The following LRP1B variants were observed in gnomAD, a reference collection of about 807,000 sequenced individuals.
LRP1B encodes low-density lipoprotein receptor-related protein 1B.
Under a neutral mutation model 556.6 loss-of-function variants are expected in LRP1B, and 217 were observed. The observed-to-expected ratio is 0.39, with a 90% CI of 0.35 to 0.44. The LOEUF (loss-of-function observed/expected upper bound fraction) is 0.44, where lower values mean the gene tolerates loss of function less well. Among genes scored for constraint, LRP1B ranks in the 20% least tolerant of loss-of-function variants. The pLI is 1.00. For missense variants in LRP1B, 5,053 were observed against 5,620.8 expected, an observed-to-expected ratio of 0.90 and a Z score of 3.23; for synonymous variants, 2,047 against 1,865.8, an observed-to-expected ratio of 1.10 and a Z score of -2.50.
chr2:141,202,156 C>CTTTGCTATTGTGAATAGTTCTGCAATTA (rs1381562153), intron 6 of LRP1B, among the ~76,000 whole-genome samples: 1 of 152,094 alleles, frequency 6.6e-6, no homozygotes, highest in Non-Finnish European at 1.5e-5. Flanking sequence ...GCCCCCACCT[C>CTTTGCTATTGTGAATAGTTCTGCAATTA]ATGCGTCCAT....
chr2:140,442,460 G>T (rs764291492), intron 66 of LRP1B, 44 bp downstream of exon 66: 3 of 1,577,912 alleles, frequency 1.9e-6, no homozygotes, highest in South Asian at 2.3e-5. Context: ...CGCAGATGAT[G>T]ACTCAAATAC....
chr2:140,860,044 A>G (rs546690473), intron 27 of LRP1B, among the ~76,000 whole-genome samples: 6 of 152,284 alleles, frequency 3.9e-5, no homozygotes, highest in African/African-American at 1.2e-4. Context: ...TTCATTTTGC[A>G]AAGGCTAAAC....
chr2:140,278,934 C>G (rs1056712589), intron 84 of LRP1B, among the ~76,000 whole-genome samples: 1 of 151,928 alleles, frequency 6.6e-6, no homozygotes, highest in Non-Finnish European at 1.5e-5. Context: ...AATCTTCTAT[C>G]TCCAGTTATT....
intron 3 of LRP1B, among the ~76,000 whole-genome samples, chr2:141,331,134 G>A (rs1687628988): frequency 6.6e-6 from 1 of 152,104 alleles, no homozygotes; most frequent in African/African-American, 2.4e-5. Flanking sequence ...GAGGTGCATT[G>A]ATGGCTGGTT....
At chr2:141,411,004 A>T (rs2104942770) in intron 3 of LRP1B, among the ~76,000 whole-genome samples, 1 of 152,142 alleles carries the variant, frequency 6.6e-6, no homozygotes, top group South Asian at 2.1e-4. Flanking sequence ...AGAATATTTA[A>T]GTATTAACAA....
chr2:140,912,741 T>TA (rs942910848), intron 21 of LRP1B, among the ~76,000 whole-genome samples: 7 of 151,764 alleles, frequency 4.6e-5, no homozygotes, highest in African/African-American at 9.6e-5. Flanking sequence ...GCAAATTTTT[T>TA]AAAAAAAATC....
At chr2:142,044,397 A>G (rs1021201275) in intron 1 of LRP1B, among the ~76,000 whole-genome samples, 2 of 151,694 alleles carry the variant, frequency 1.3e-5, no homozygotes, top group Admixed American at 6.6e-5. Context: ...TTGGCAACCA[A>G]TCCACCGATA....
At chr2:140,934,958 C>T (rs927494389) in intron 20 of LRP1B, among the ~76,000 whole-genome samples, 48 of 152,236 alleles carry the variant, frequency 3.2e-4, no homozygotes, top group African/African-American at 9.6e-4. Flanking sequence ...GGGAAAGTCA[C>T]AGGCTAAGAA....
intron 11 of LRP1B, among the ~76,000 whole-genome samples, chr2:141,048,530 A>G (rs1698945215): frequency 6.6e-6 from 1 of 152,118 alleles, no homozygotes; most frequent in Non-Finnish European, 1.5e-5. Context: ...CATTTCAGTG[A>G]TGTGTAAAGT....
intron 47 of LRP1B, among the ~76,000 whole-genome samples, chr2:140,527,152 T>C (rs1444103814): frequency 6.6e-6 from 1 of 152,002 alleles, no homozygotes; most frequent in Non-Finnish European, 1.5e-5. Context: ...TTGTATAAAG[T>C]ATCTTATTTT....
intron 31 of LRP1B, among the ~76,000 whole-genome samples, chr2:140,831,980 C>T (rs919139437): frequency 6.6e-6 from 1 of 152,022 alleles, no homozygotes; most frequent in South Asian, 2.1e-4. Flanking sequence ...ATCACCTCAC[C>T]CCAGTTGGAA....
At chr2:141,687,289 A>G (rs1394833789) in intron 2 of LRP1B, among the ~76,000 whole-genome samples, 1 of 151,968 alleles carries the variant, frequency 6.6e-6, no homozygotes, top group African/African-American at 2.4e-5. Flanking sequence ...TAACATTAAT[A>G]GGTTATTTAC....
At chr2:140,730,404 A>G (rs1208700432) in intron 35 of LRP1B, among the ~76,000 whole-genome samples, 1 of 152,216 alleles carries the variant, frequency 6.6e-6, no homozygotes, top group African/African-American at 2.4e-5. Context: ...TGACTAAAAC[A>G]CTTTGATCAC....
chr2:141,226,123 C>CAA (rs150456088), intron 6 of LRP1B, among the ~76,000 whole-genome samples: 127 of 144,496 alleles, frequency 8.8e-4, no homozygotes, highest in Admixed American at 1.7e-3. Flanking sequence ...ATTTTCCCCC[C>CAA]CAAAAAAAAC....
At chr2:142,073,833 C>T (rs748505490) in intron 1 of LRP1B, among the ~76,000 whole-genome samples, 1 of 151,878 alleles carries the variant, frequency 6.6e-6, no homozygotes, top group Non-Finnish European at 1.5e-5. Flanking sequence ...CTTCCTCTCT[C>T]TCTTCCTCCT....
At chr2:140,286,038 T>G (rs1332311181) in intron 84 of LRP1B, among the ~76,000 whole-genome samples, 2 of 151,902 alleles carry the variant, frequency 1.3e-5, no homozygotes, top group Admixed American at 1.3e-4. Context: ...GTTTGCATAT[T>G]CTTTATAAAT....
intron 41 of LRP1B, among the ~76,000 whole-genome samples, chr2:140,648,485 G>A (rs1420706801): frequency 6.6e-6 from 1 of 152,054 alleles, no homozygotes; most frequent in East Asian, 1.9e-4. Context: ...AAATAAACAT[G>A]GTACTGAGTT....
chr2:141,358,369 G>C (rs1313549828), intron 3 of LRP1B, among the ~76,000 whole-genome samples: 1 of 152,142 alleles, frequency 6.6e-6, no homozygotes, highest in Non-Finnish European at 1.5e-5. Flanking sequence ...TCTGGCAAAA[G>C]TGCAAACCTT....
intron 3 of LRP1B, among the ~76,000 whole-genome samples, chr2:141,275,591 T>C (rs1376879664): frequency 2.0e-5 from 3 of 152,136 alleles, no homozygotes; most frequent in African/African-American, 7.2e-5. Context: ...ATGTCTGTAG[T>C]CTTGACTACT....
Sources: gnomAD v4.1 joint callset for allele counts (sites outside exome capture counted in the v4.1 genomes callset) on GRCh38, gnomAD v4.1.1 for gene constraint, MANE v1.5 for transcripts, NCBI Gene and HGNC (gene_info 2026-07-23, HGNC 2026-07-21) for gene names.